GABRG2: variants seen among roughly 807,000 people sequenced by gnomAD.
GABRG2 encodes gamma-aminobutyric acid type A receptor subunit gamma2, also known as gamma-aminobutyric acid receptor subunit gamma-2.
Under a neutral mutation model 56.4 loss-of-function variants are expected in GABRG2, and 16 were observed. The observed-to-expected ratio is 0.28, with a 90% CI of 0.19 to 0.43. GABRG2 has a LOEUF of 0.43. Ranked by LOEUF, GABRG2 falls within the 20% of genes least tolerant of loss-of-function variation. The pLI, the probability that GABRG2 is intolerant of heterozygous loss-of-function variation, is 1.00. For synonymous variants in GABRG2, 208 were observed against 205.5 expected (o/e 1.01, Z -0.10); for missense variants, 327 against 582.7 (o/e 0.56, Z 4.52).
intron 1 of GABRG2, among the ~76,000 whole-genome samples, chr5:162,085,751 C>T (rs974518128): frequency 4.6e-5 from 7 of 151,704 alleles, no homozygotes; most frequent in African/African-American, 1.7e-4. Flanking sequence ...TCTGAAAGGC[C>T]CCAGTGTGTG....
At position 162,155,058 on chromosome 5, in the gene GABRG2, C is replaced by T. The variant is rs1753767392; in HGVS notation, c.*1690C>T. On this transcript the variant is annotated 3_prime_UTR_variant, in exon 10 of 10. Transcript: ENST00000639213. Reference sequence around the variant, plus strand: ...TTAAATCATAGCTAGTATAACTTTACAGATAACCTAAAAAGAATAGAAAAG... The same window carrying T: ...TTAAATCATAGCTAGTATAACTTTATAGATAACCTAAAAAGAATAGAAAAG... 1 of 152,338 alleles carries T rather than the reference C, an allele frequency of 6.6e-6. No homozygotes were observed. Among genetic ancestry groups the T allele is most frequent in the Non-Finnish European group, 1.5e-5 (1 of 68,000 alleles). 9.4% of individuals were successfully genotyped at this position (152,338 alleles called of 1,614,324 possible). A position where few individuals can be genotyped will look rare whatever the true frequency, so the allele number is the denominator to read the frequency against.
chr5:162,144,667 A>T (rs1212057167), intron 7 of GABRG2, among the ~76,000 whole-genome samples: 1 of 152,208 alleles, frequency 6.6e-6, no homozygotes, highest in Admixed American at 6.5e-5. Context: ...GTTAGATGAC[A>T]TCCACAAAGT....
At chr5:162,089,809 T>C (rs1760419967) in intron 1 of GABRG2, among the ~76,000 whole-genome samples, 1 of 152,112 alleles carries the variant, frequency 6.6e-6, no homozygotes, top group Non-Finnish European at 1.5e-5. Flanking sequence ...TGTTCTACTA[T>C]CCTGGGCAAT....
At chr5:162,117,211 C>A (rs1316966645) in intron 6 of GABRG2, among the ~76,000 whole-genome samples, 3 of 152,112 alleles carry the variant, frequency 2.0e-5, no homozygotes, top group Middle Eastern at 3.2e-3. Flanking sequence ...TAAACATAAG[C>A]AAAATTTTCT....
At chr5:162,143,042 A>G (rs1002407097) in intron 7 of GABRG2, 2 of 152,302 alleles carry the variant, frequency 1.3e-5, no homozygotes, top group South Asian at 4.1e-4. Flanking sequence ...GTGTTTGTTT[A>G]GTTCTCTGGA....
chr5:162,108,011 G>A (rs1386557112), intron 6 of GABRG2, among the ~76,000 whole-genome samples: 1 of 152,086 alleles, frequency 6.6e-6, no homozygotes, highest in East Asian at 1.9e-4. Flanking sequence ...CACTTACTAA[G>A]CACTAACTAC....
chr5:162,067,760 C>T (rs114796537), upstream of GABRG2: 285 of 610,760 alleles, frequency 4.7e-4, no homozygotes, highest in African/African-American at 4.8e-3. Context: ...CTCCCCCAGA[C>T]TTGGAAGCCG....
intron 1 of GABRG2, among the ~76,000 whole-genome samples, chr5:162,090,477 G>T (rs1423459289): frequency 6.6e-6 from 1 of 151,964 alleles, no homozygotes; most frequent in Non-Finnish European, 1.5e-5. Context: ...CCGGGGTCTG[G>T]GTGGGTCCCA....
chr5:162,098,298 C>G lies in GABRG2; in HGVS notation c.548+440C>G, dbSNP rs191935758. The stretch of plus-strand genomic sequence containing the variant: ...ATAGCAGGCACCTAGAATCTATTAT[C>G]TTTCATCTCCTGGCACCCCACTTCC... On this transcript the variant is annotated intron_variant, in intron 4 of 9. Transcript: ENST00000639213. 22 of 169,762 alleles carry G rather than the reference C, an allele frequency of 1.3e-4. No individual in the cohort carries two copies. The East Asian group carries it at 3.4e-3, about 26-fold the overall frequency. The allele number at this position is 169,762 out of a possible 1,614,324, so 10.5% of individuals were successfully genotyped here. A position where few individuals can be genotyped will look rare whatever the true frequency, so the allele number is the denominator to read the frequency against.
At chr5:162,102,728 G>A (rs183710266) in intron 5 of GABRG2, 15 of 386,812 alleles carry the variant, frequency 3.9e-5, no homozygotes, top group Admixed American at 2.8e-4. Flanking sequence ...ATGGGGCGTC[G>A]CCATGTTGCC....
At chr5:162,126,505 G>GATAGATA (rs1386341213) in intron 6 of GABRG2, among the ~76,000 whole-genome samples, 5 of 151,900 alleles carry the variant, frequency 3.3e-5, no homozygotes, top group Non-Finnish European at 7.4e-5. Context: ...TAAAACTTTG[G>GATAGATA]GAAAGGCAGA....
At chr5:162,139,092 G>T (rs868793844) in intron 6 of GABRG2, among the ~76,000 whole-genome samples, 1 of 151,820 alleles carries the variant, frequency 6.6e-6, no homozygotes, top group Non-Finnish European at 1.5e-5. Flanking sequence ...AAACATTAAT[G>T]GATGTTGTTT....
At chr5:162,147,285 T>C (rs896116324) in intron 7 of GABRG2, among the ~76,000 whole-genome samples, 1 of 151,780 alleles carries the variant, frequency 6.6e-6, no homozygotes, top group African/African-American at 2.4e-5. Flanking sequence ...TTTCTTTTTC[T>C]TTCTCCTTTC....
chr5:162,080,530 C>T (rs564526649), intron 1 of GABRG2, among the ~76,000 whole-genome samples: 2 of 152,230 alleles, frequency 1.3e-5, no homozygotes, highest in Admixed American at 6.5e-5. Context: ...AGGGGAAGAA[C>T]TTGGGAGGCA....
At chr5:162,127,570 A>T (rs1029760624) in intron 6 of GABRG2, among the ~76,000 whole-genome samples, 1 of 151,916 alleles carries the variant, frequency 6.6e-6, no homozygotes, top group Non-Finnish European at 1.5e-5. Flanking sequence ...TTGTCAATGA[A>T]TGAATGAATG....
chr5:162,105,423 T>C (rs1761732858), intron 6 of GABRG2, among the ~76,000 whole-genome samples: 1 of 124,348 alleles, frequency 8.0e-6, no homozygotes, highest in Non-Finnish European at 1.7e-5. Context: ...CAAGTATTAG[T>C]AGAACAATCT....
chr5:162,116,309 T>G (rs1384841548), intron 6 of GABRG2, among the ~76,000 whole-genome samples: 2 of 150,486 alleles, frequency 1.3e-5, no homozygotes, highest in Non-Finnish European at 2.9e-5. Flanking sequence ...GTAGAGTCAG[T>G]CTGTATTGGT....
At chr5:162,075,702 T>C (rs1759042617) in intron 1 of GABRG2, among the ~76,000 whole-genome samples, 1 of 152,014 alleles carries the variant, frequency 6.6e-6, no homozygotes, top group African/African-American at 2.4e-5. Flanking sequence ...GGAAATATTT[T>C]CAACTTTTTT....
intron 7 of GABRG2, among the ~76,000 whole-genome samples, chr5:162,148,091 G>A (rs1018235051): frequency 1.4e-4 from 21 of 152,178 alleles, no homozygotes; most frequent in African/African-American, 5.1e-4. Flanking sequence ...TCCTTCTCTG[G>A]TTGATAAATA....
Sources: allele counts gnomAD v4.1 joint callset (sites outside exome capture counted in the v4.1 genomes callset), GRCh38; gene constraint gnomAD v4.1.1; transcripts MANE v1.5; gene names NCBI Gene and HGNC (gene_info 2026-07-23, HGNC 2026-07-21).